IL1RAPL1: variants seen among roughly 807,000 people sequenced by gnomAD.
The protein encoded by IL1RAPL1 is interleukin 1 receptor accessory protein like 1, also known as interleukin-1 receptor accessory protein-like 1.
A neutral mutation model predicts 48.4 loss-of-function variants in IL1RAPL1; 3 were observed. The ratio of observed to expected loss-of-function variants is 0.06; its 90% CI spans 0.03 to 0.16. IL1RAPL1 has a LOEUF of 0.16. Ranked by LOEUF, IL1RAPL1 falls within the 10% of genes least tolerant of loss-of-function variation. The pLI is 1.00. For synonymous variants in IL1RAPL1, 185 were observed against 187.7 expected (o/e 0.99, Z 0.12); for missense variants, 349 against 530.6 (o/e 0.66, Z 3.36).
At chrX:29,755,824 C>T (rs1051476861) in intron 6 of IL1RAPL1, among the ~76,000 whole-genome samples, 1 of 111,860 alleles carries the variant, frequency 8.9e-6, no homozygotes, top group Non-Finnish European at 1.9e-5. Flanking sequence ...GTGACAGATT[C>T]GGATGTCTCT....
At chrX:29,080,989 T>TC (rs1491435076) in intron 2 of IL1RAPL1, among the ~76,000 whole-genome samples, 71 of 38,102 alleles carry the variant, frequency 1.9e-3, no homozygotes, top group East Asian at 7.2e-3. Context: ...TCTTTCTTTC[T>TC]TTCTTTCTCT....
At chrX:29,570,988 G>A (rs5927785) in intron 5 of IL1RAPL1, among the ~76,000 whole-genome samples, 483 of 112,232 alleles carry the variant, frequency 4.3e-3, no homozygotes, top group Non-Finnish European at 7.4e-3. Flanking sequence ...CTGGGAGGCC[G>A]AGGCGGGTGG....
intron 6 of IL1RAPL1, among the ~76,000 whole-genome samples, chrX:29,706,112 G>T (rs1927187231): frequency 9.0e-6 from 1 of 111,296 alleles, no homozygotes; most frequent in Non-Finnish European, 1.9e-5. Context: ...ATCGGATCTT[G>T]TGAGACCCAT....
At chrX:29,804,604 T>TC (rs1352249694) in intron 6 of IL1RAPL1, among the ~76,000 whole-genome samples, 1 of 112,150 alleles carries the variant, frequency 8.9e-6, no homozygotes, top group African/African-American at 3.2e-5. Flanking sequence ...TTGCTCTTTT[T>TC]CTGCCTTCCA....
chrX:28,661,635 A>G (rs777261037), intron 1 of IL1RAPL1, among the ~76,000 whole-genome samples: 25 of 112,053 alleles, frequency 2.2e-4, no homozygotes, highest in Non-Finnish European at 3.6e-4. Context: ...GACAGGATAT[A>G]TAATGATCAA....
At chrX:29,494,780 C>T (rs1392318428) in intron 5 of IL1RAPL1, among the ~76,000 whole-genome samples, 1 of 112,249 alleles carries the variant, frequency 8.9e-6, no homozygotes, top group African/African-American at 3.2e-5. Context: ...TTACTTCTTT[C>T]ATTCTTAGGA....
At position 29,051,849 on chromosome X, in the gene IL1RAPL1, T is replaced by A. The variant is rs185561886; in HGVS notation, c.83-231089T>A. 4.0e-3 allele frequency among the ~76,000 whole-genome samples: 455 copies of A among 112,747 alleles called. 3 individuals are homozygous for A. The highest frequency in any genetic ancestry group is 0.014 in the African/African-American group (433 of 31,080). On this transcript the variant is annotated intron_variant, in intron 2 of 10. Transcript: ENST00000378993. ...CATGTGACGCTATGTCTGTGGCCTA[T>A]AATACATGTAGTTGTGATTAATTGA...
At chrX:29,858,784 A>C (rs1005759254) in intron 6 of IL1RAPL1, among the ~76,000 whole-genome samples, 1 of 109,869 alleles carries the variant, frequency 9.1e-6, no homozygotes, top group East Asian at 2.9e-4. Context: ...TTTTTTTTTA[A>C]ATTTTGTTCC....
chrX:29,139,118 G>A (rs1929194205), intron 2 of IL1RAPL1, among the ~76,000 whole-genome samples: 2 of 111,644 alleles, frequency 1.8e-5, no homozygotes, highest in Non-Finnish European at 3.8e-5. Flanking sequence ...AGTAGCACTG[G>A]ATTTCCATGG....
At chrX:28,688,517 T>C (rs1233699455) in intron 1 of IL1RAPL1, among the ~76,000 whole-genome samples, 1 of 112,009 alleles carries the variant, frequency 8.9e-6, no homozygotes, top group Non-Finnish European at 1.9e-5. Context: ...ACCTACATCA[T>C]GTATTTATTT....
rs758178919 is a variant in IL1RAPL1, at chrX:29,488,532, A to G, written c.703+89224A>G. 1.2e-4 allele frequency among the ~76,000 whole-genome samples: 13 copies of G among 112,487 alleles called. No homozygotes were observed. The South Asian group carries it at 4.8e-3, about 42-fold the overall frequency. On this transcript the variant is annotated intron_variant, in intron 5 of 10. Transcript: ENST00000378993. ...TATAGTTAATAATAATGTGTTGTGT[A>G]TTGGAAAATTGACAAGACAGATCTT...
At chrX:29,179,535 C>T (rs775039797) in intron 2 of IL1RAPL1, among the ~76,000 whole-genome samples, 54 of 110,990 alleles carry the variant, frequency 4.9e-4, no homozygotes, top group African/African-American at 1.7e-3. Flanking sequence ...AAAGAAAAGA[C>T]TGTAGATGTG....
intron 1 of IL1RAPL1, among the ~76,000 whole-genome samples, chrX:28,709,434 A>G (rs1935414752): frequency 8.9e-6 from 1 of 112,010 alleles, no homozygotes; most frequent in African/African-American, 3.2e-5. Flanking sequence ...GTGGAGCAGG[A>G]ATTTAAACCC....
intron 1 of IL1RAPL1, among the ~76,000 whole-genome samples, chrX:28,630,931 A>G (rs1399146034): frequency 8.9e-6 from 1 of 112,205 alleles, no homozygotes; most frequent in Non-Finnish European, 1.9e-5. Context: ...GCTTACATTC[A>G]AATGGGCAAG....
At position 28,912,800 on chromosome X, in the gene IL1RAPL1, C is replaced by T. The variant is rs370679538; in HGVS notation, c.82+123375C>T. On this transcript the variant is annotated intron_variant, in intron 2 of 10. Transcript: ENST00000378993. ...AATTCTATCAGATTAATAATAGCCA[C>T]AGAGCTTGTAAAGGGAATCATTATT... Among the ~76,000 whole-genome samples the T allele has an allele frequency of 4.2e-3, 465 of 110,994 alleles. 4 individuals are homozygous for T. The highest frequency in any genetic ancestry group is 0.014 in the African/African-American group (436 of 30,621).
intron 2 of IL1RAPL1, among the ~76,000 whole-genome samples, chrX:28,902,416 G>A (rs1464661717): frequency 1.8e-5 from 2 of 110,962 alleles, no homozygotes; most frequent in Middle Eastern, 4.2e-3. Context: ...CTACTTCCTA[G>A]GGAACCCAGA....
At chrX:29,356,228 A>G (rs1361478314) in intron 3 of IL1RAPL1, among the ~76,000 whole-genome samples, 1 of 110,899 alleles carries the variant, frequency 9.0e-6, no homozygotes, top group Non-Finnish European at 1.9e-5. Flanking sequence ...ATATGTGCAT[A>G]TATATGTGTG....
chrX:29,476,231 G>C (rs1219024201), intron 5 of IL1RAPL1, among the ~76,000 whole-genome samples: 2 of 111,766 alleles, frequency 1.8e-5, no homozygotes, highest in African/African-American at 6.5e-5. Flanking sequence ...AGTATAACCA[G>C]AGACAAGATG....
At chrX:28,970,060 GTGCAACCTCGGCTCAC>G (rs774224303) in intron 2 of IL1RAPL1, among the ~76,000 whole-genome samples, 246 of 110,963 alleles carry the variant, frequency 2.2e-3, no homozygotes, top group African/African-American at 7.7e-3. Context: ...GAGTGCAATG[GTGCAACCTCGGCTCAC>G]TGCAACCTCC....
Sources: gnomAD v4.1 joint callset for allele counts (sites outside exome capture counted in the v4.1 genomes callset) on GRCh38, gnomAD v4.1.1 for gene constraint, MANE v1.5 for transcripts, NCBI Gene and HGNC (gene_info 2026-07-23, HGNC 2026-07-21) for gene names.